The following SCAF8 variants were observed in gnomAD, a reference collection of about 807,000 sequenced individuals.
SCAF8 encodes the protein SR-related CTD associated factor 8, also known as SR-related and CTD-associated factor 8.
A neutral mutation model predicts 140.5 loss-of-function variants in SCAF8; 23 were observed. The observed-to-expected ratio is 0.16, with a 90% confidence interval of 0.12 to 0.23. SCAF8 has a LOEUF of 0.23. Ranked by LOEUF, SCAF8 falls within the 10% of genes least tolerant of loss-of-function variation. The probability of loss-of-function intolerance (pLI) is 1.00; values close to 1 mark genes in which losing one functional copy is unlikely to be tolerated. For synonymous variants in SCAF8, 575 were observed against 528.9 expected (o/e 1.09, Z -1.20); for missense variants, 1,397 against 1,555.7 (o/e 0.90, Z 1.72).
intron 1 of SCAF8, among the ~76,000 whole-genome samples, chr6:154,767,426 T>A (rs576621417): frequency 6.6e-5 from 10 of 152,002 alleles, no homozygotes; most frequent in Non-Finnish European, 1.5e-4. Flanking sequence ...AAAAACCTGT[T>A]CAGGGAGATA....
chr6:154,792,736 A>G, intron 4 of SCAF8, 87 bp from the exon 5 acceptor site: 1 of 873,142 alleles, frequency 1.1e-6, no homozygotes, highest in Non-Finnish European at 1.7e-6. Context: ...TCTCCTTTCC[A>G]TCCAGGGCCC....
At chr6:154,806,441 G>A (rs2114906433) in intron 9 of SCAF8, among the ~76,000 whole-genome samples, 1 of 152,274 alleles carries the variant, frequency 6.6e-6, no homozygotes, top group South Asian at 2.1e-4. Context: ...ATATTTTTGA[G>A]TATGTGTTAC....
Position 154,833,254 on chromosome 6 carries a change from A to G in SCAF8, c.3675A>G (p.Pro1225=), listed in dbSNP as rs749221853. 6.2e-7 allele frequency: 1 copy of G among 1,614,058 alleles called. No homozygotes were observed. Among genetic ancestry groups the G allele is most frequent in the African/African-American group, 1.3e-5 (1 of 75,052 alleles). Residue 1225 remains proline (P), a synonymous_variant, in exon 20 of 20, where the codon CCA becomes CCG. Coordinates refer to ENST00000367178, the MANE Select transcript of SCAF8 (RefSeq NM_014892.5). ...AAAATACAGAGAGACATGCTCAGCC[A>G]CCACCTATACCAGTACAGAATGATC... The part of the protein sequence containing the change: ...NGENTERHAQ[P]PPIPVQNDPE...
At chr6:154,741,552 A>G (rs1219240500) in intron 1 of SCAF8, among the ~76,000 whole-genome samples, 1 of 152,066 alleles carries the variant, frequency 6.6e-6, no homozygotes, top group Non-Finnish European at 1.5e-5. Context: ...AATTACAGGC[A>G]TGTACCACCA....
chr6:154,779,804 C>A (rs1562441882), intron 3 of SCAF8, among the ~76,000 whole-genome samples: 1 of 144,352 alleles, frequency 6.9e-6, no homozygotes, highest in African/African-American at 2.6e-5. Context: ...TATATATACA[C>A]TTTTTTTTTA....
chr6:154,772,132 G>A (rs1583021193), intron 1 of SCAF8, among the ~76,000 whole-genome samples: 1 of 152,244 alleles, frequency 6.6e-6, no homozygotes. Context: ...TGAAGTAAAA[G>A]CTATGCAAGA....
intron 1 of SCAF8, among the ~76,000 whole-genome samples, chr6:154,752,029 C>T (rs533099893): frequency 4.6e-5 from 7 of 152,316 alleles, no homozygotes; most frequent in East Asian, 1.9e-4. Flanking sequence ...TGTGGTTATT[C>T]TTTAAGTCTA....
intron 1 of SCAF8, among the ~76,000 whole-genome samples, chr6:154,756,935 G>A (rs1227329959): frequency 1.3e-5 from 2 of 152,142 alleles, no homozygotes; most frequent in Admixed American, 6.5e-5. Flanking sequence ...GGCTGAGGTG[G>A]ATCGCTTGAG....
intron 4 of SCAF8, among the ~76,000 whole-genome samples, chr6:154,789,147 C>T (rs917971913): frequency 6.6e-5 from 10 of 151,964 alleles, no homozygotes; most frequent in Non-Finnish European, 1.3e-4. Context: ...TTGCTCTTGT[C>T]GCCCAGGCTG....
chr6:154,794,373 A>G (rs773226755), intron 5 of SCAF8, among the ~76,000 whole-genome samples: 2 of 152,340 alleles, frequency 1.3e-5, no homozygotes, highest in Admixed American at 6.5e-5. Flanking sequence ...TTAGAAGTAC[A>G]GTAGTCTCCC....
At chr6:154,755,394 C>T (rs1778941088) in intron 1 of SCAF8, among the ~76,000 whole-genome samples, 1 of 152,108 alleles carries the variant, frequency 6.6e-6, no homozygotes, top group Non-Finnish European at 1.5e-5. Flanking sequence ...GCTAGGATTA[C>T]AGATGTACAC....
rs1466715901 is a variant in SCAF8 at position 154,787,427 on chromosome 6, CCATTTGG to C, written c.160-429_160-423del. 2.6e-5 allele frequency among the ~76,000 whole-genome samples: 4 copies of C among 152,250 alleles called. No individual in the cohort carries two copies. The South Asian group carries it at 8.3e-4, about 32-fold the overall frequency. ...CTGTATTTAACAATGTTATAATTTG[CCATTTGG>C]CATTGTTCTTTTCATTTGCGTAGGA... is the stretch of plus-strand genomic sequence containing the variant. On this transcript the variant is annotated intron_variant, in intron 3 of 19. Coordinates refer to ENST00000367178, the MANE Select transcript of SCAF8 (RefSeq NM_014892.5).
intron 9 of SCAF8, among the ~76,000 whole-genome samples, chr6:154,806,883 G>C (rs1777931933): frequency 6.6e-6 from 1 of 152,134 alleles, no homozygotes. Flanking sequence ...AGAACATTTA[G>C]ATGTTGTTTA....
At chr6:154,763,451 A>T (rs1363237752) in intron 1 of SCAF8, among the ~76,000 whole-genome samples, 1 of 152,160 alleles carries the variant, frequency 6.6e-6, no homozygotes, top group Non-Finnish European at 1.5e-5. Flanking sequence ...AATTCCTTTG[A>T]TCATAGAACC....
intron 4 of SCAF8, 107 bp downstream of exon 4, chr6:154,788,129 A>G: frequency 1.1e-6 from 1 of 929,838 alleles, no homozygotes; most frequent in East Asian, 2.4e-5. Flanking sequence ...CCACATAATG[A>G]TGTTTCAATG....
At chr6:154,768,733 T>C (rs949331315) in intron 1 of SCAF8, among the ~76,000 whole-genome samples, 1 of 152,168 alleles carries the variant, frequency 6.6e-6, no homozygotes, top group Admixed American at 6.5e-5. Flanking sequence ...TTGTCAAAAA[T>C]CTCTCAAAAA....
At chr6:154,799,936 T>C (rs1419374066) in intron 6 of SCAF8, among the ~76,000 whole-genome samples, 2 of 150,996 alleles carry the variant, frequency 1.3e-5, no homozygotes, top group East Asian at 1.9e-4. Flanking sequence ...AGGCTTCTGC[T>C]ACCACACCCA....
At position 154,733,477 on chromosome 6, in the gene SCAF8, G is replaced by T. The variant is rs1238027791; in HGVS notation, c.-424G>T. The T allele has an allele frequency of 1.5e-6, 2 of 1,351,830 alleles. No individual in the cohort carries two copies. Among genetic ancestry groups the T allele is most frequent in the Non-Finnish European group, 9.5e-7 (1 of 1,055,306 alleles). 83.7% of individuals were successfully genotyped at this position (1,351,830 alleles called of 1,614,324 possible). ...TCCTCTGTCTTCGCCGAGCGGGGCT[G>T]GTTCCTGCGGCCCGAGCGGCGGGGA... On this transcript the variant is annotated 5_prime_UTR_variant, in exon 1 of 20. Coordinates refer to ENST00000367178, the MANE Select transcript of SCAF8 (RefSeq NM_014892.5).
At chr6:154,812,395 A>G (rs1049993713) in intron 12 of SCAF8, among the ~76,000 whole-genome samples, 17 of 147,278 alleles carry the variant, frequency 1.2e-4, no homozygotes, top group Non-Finnish European at 2.1e-4. Context: ...GTTACAGTGT[A>G]GTGTAAACAT....
Sources: gnomAD v4.1 joint callset for allele counts (sites outside exome capture counted in the v4.1 genomes callset) on GRCh38, gnomAD v4.1.1 for gene constraint, MANE v1.5 for transcripts, NCBI Gene and HGNC (gene_info 2026-07-23, HGNC 2026-07-21) for gene names.